The following TRIO variants were observed in gnomAD, a reference collection of about 807,000 sequenced individuals.
TRIO encodes the protein triple functional domain protein.
In TRIO, 58 loss-of-function variants were observed where a neutral mutation model predicts 351.9. The observed-to-expected ratio is 0.16, with a 90% CI of 0.13 to 0.21. The LOEUF is 0.21. TRIO is among the 10% of genes least tolerant of loss of function. TRIO has a pLI of 1.00. For synonymous variants in TRIO, 1,758 were observed against 1,595.7 expected (o/e 1.10, Z -2.42); for missense variants, 3,201 against 4,027.8 (o/e 0.79, Z 5.56).
intron 55 of TRIO, among the ~76,000 whole-genome samples, chr5:14,505,854 G>A (rs1757638670): frequency 6.6e-6 from 1 of 152,228 alleles, no homozygotes; most frequent in African/African-American, 2.4e-5. Context: ...CACATCTCAT[G>A]GCAGAAGGGC....
chr5:14,311,093 A>G lies in TRIO; in HGVS notation c.1501-5420A>G, dbSNP rs560359236. Among the ~76,000 whole-genome samples, 11 of 152,350 alleles carry G rather than the reference A, an allele frequency of 7.2e-5. 1 individual carries two copies. Among genetic ancestry groups the G allele is most frequent in the Middle Eastern group, 3.4e-3 (1 of 294 alleles). ...GCCATAGTATCAGAGCCAACAGCCC[A>G]TATGACAGCTGTCTTCTTCTCACCC... On this transcript the variant is annotated intron_variant, in intron 8 of 56. Transcript: ENST00000344204.
At chr5:14,287,441 T>C (rs1391067341) in intron 4 of TRIO, among the ~76,000 whole-genome samples, 1 of 152,328 alleles carries the variant, frequency 6.6e-6, no homozygotes, top group Non-Finnish European at 1.5e-5. Flanking sequence ...GATGAGGGAA[T>C]GTTAGGGAGA....
intron 32 of TRIO, 24 bp downstream of exon 32, chr5:14,406,014 G>A: frequency 1.2e-6 from 2 of 1,606,590 alleles, no homozygotes; most frequent in Non-Finnish European, 1.7e-6. Context: ...CGCCACTGGA[G>A]GTTTGTGGAT....
intron 38 of TRIO, 126 bp from the exon 39 acceptor site, chr5:14,472,466 C>G: frequency 9.9e-7 from 1 of 1,011,936 alleles, no homozygotes; most frequent in Non-Finnish European, 1.4e-6. Flanking sequence ...AATTTAACAC[C>G]TAAATGTACA....
intron 1 of TRIO, among the ~76,000 whole-genome samples, chr5:14,195,622 G>A (rs967014794): frequency 2.0e-5 from 3 of 152,290 alleles, no homozygotes; most frequent in Non-Finnish European, 2.9e-5. Context: ...TGTGGTGTTC[G>A]TCAAATGGTA....
chr5:14,216,191 C>G (rs948605134), intron 1 of TRIO, among the ~76,000 whole-genome samples: 1 of 152,190 alleles, frequency 6.6e-6, no homozygotes, highest in African/African-American at 2.4e-5. Context: ...AGACGTCTTT[C>G]CTTCCATAAG....
intron 11 of TRIO, among the ~76,000 whole-genome samples, chr5:14,352,942 T>A (rs1283013687): frequency 1.3e-5 from 2 of 152,030 alleles, no homozygotes; most frequent in Non-Finnish European, 1.5e-5. Flanking sequence ...CCCTAAAGAT[T>A]CATGGCGCTT....
intron 12 of TRIO, 88 bp downstream of exon 12, chr5:14,358,435 T>C (rs1304094718): frequency 7.4e-6 from 11 of 1,489,254 alleles, no homozygotes; most frequent in Non-Finnish European, 6.4e-6. Context: ...AGTGGTCAGC[T>C]CTGCTTCTCT....
At chr5:14,163,622 C>T (rs1460215095) in intron 1 of TRIO, among the ~76,000 whole-genome samples, 2 of 152,212 alleles carry the variant, frequency 1.3e-5, no homozygotes, top group Admixed American at 6.5e-5. Flanking sequence ...ACAACTATTG[C>T]CTCTTGCAGG....
intron 13 of TRIO, 42 bp downstream of exon 13, chr5:14,359,573 C>G: frequency 6.2e-7 from 1 of 1,601,120 alleles, no homozygotes; most frequent in South Asian, 1.1e-5. Flanking sequence ...TGTGGGAGCC[C>G]TTGGCTTCCT....
In TRIO at chr5:14,279,002, A is replaced by G. The variant is rs147886520; in HGVS notation, c.233-1320A>G. 3.9e-3 allele frequency among the ~76,000 whole-genome samples: 600 copies of G among 152,342 alleles called. 4 individuals carry two copies. The highest frequency in any genetic ancestry group is 0.013 in the African/African-American group (558 of 41,584). ...AAGCTTTTGGAGCCTCAGTATCTTT[A>G]TAAGACTGGAATGATAAAACCTCTC... On this transcript the variant is annotated intron_variant, in intron 2 of 56. Transcript: ENST00000344204.
chr5:14,446,571 T>TG (rs1554080463), intron 34 of TRIO, among the ~76,000 whole-genome samples: 1 of 152,132 alleles, frequency 6.6e-6, no homozygotes, highest in Non-Finnish European at 1.5e-5. Flanking sequence ...CGTAATGCTT[T>TG]GTGTGCTTGG....
chr5:14,332,554 T>C (rs1440304312), intron 10 of TRIO, among the ~76,000 whole-genome samples: 1 of 152,266 alleles, frequency 6.6e-6, no homozygotes, highest in Non-Finnish European at 1.5e-5. Flanking sequence ...TAATATAAGA[T>C]GTATTGTTTT....
In TRIO at chr5:14,399,048, A is replaced by G. The variant is rs2152373824; in HGVS notation, c.4592A>G (p.Tyr1531Cys). ...EVKDSSGRSK[Y>C]LYKSKLFTSE... ...AAAGATTCCAGTGGGAGAAGCAAGT[A>G]CCTTTATAAAAGCAAATTGTTTGTA... The change falls in exon 30 of 57, where the codon TAC (tyrosine) becomes TGC (cysteine). Residue 1531 changes from tyrosine (Y) to cysteine (C), a missense_variant. This residue lies in a region of TRIO where 136 missense variants were observed against 229.5 expected (regional missense o/e 0.59). Transcript: ENST00000344204. The G allele has an allele frequency of 6.2e-7, 1 of 1,614,120 alleles. No individual in the cohort carries two copies.
At chr5:14,369,552 C>A in intron 18 of TRIO, 29 bp downstream of exon 18, 1 of 1,580,476 alleles carries the variant, frequency 6.3e-7, no homozygotes, top group Non-Finnish European at 8.6e-7. Flanking sequence ...GACAGTGCAC[C>A]CATCAGAGGC....
At chr5:14,221,252 G>T (rs1251743852) in intron 1 of TRIO, among the ~76,000 whole-genome samples, 4 of 152,062 alleles carry the variant, frequency 2.6e-5, no homozygotes, top group Admixed American at 2.6e-4. Context: ...AAATACTGAT[G>T]CTCATTGACA....
At chr5:14,280,628 G>A (rs1735910849) in intron 3 of TRIO, among the ~76,000 whole-genome samples, 192 bp downstream of exon 3, 1 of 152,154 alleles carries the variant, frequency 6.6e-6, no homozygotes, top group African/African-American at 2.4e-5. Context: ...GGGGAGCAGG[G>A]ACATGAAGGT....
chr5:14,361,574 T>C (rs1421847110), intron 13 of TRIO, among the ~76,000 whole-genome samples: 1 of 152,304 alleles, frequency 6.6e-6, no homozygotes, highest in Admixed American at 6.5e-5. Flanking sequence ...TGACGGCCCA[T>C]AGGAGTATGG....
At chr5:14,437,164 C>A (rs1010561858) in intron 34 of TRIO, among the ~76,000 whole-genome samples, 5 of 152,120 alleles carry the variant, frequency 3.3e-5, no homozygotes, top group African/African-American at 1.2e-4. Context: ...TCTAAAAGTT[C>A]TTTTTTTCCC....
Sources: allele counts gnomAD v4.1 joint callset (sites outside exome capture counted in the v4.1 genomes callset), GRCh38; gene constraint gnomAD v4.1.1; regional missense constraint gnomAD v4.1.1; transcripts MANE v1.5; gene names NCBI Gene and HGNC (gene_info 2026-07-23, HGNC 2026-07-21).